Variants in TRPM5 observed in about 807,000 individuals in gnomAD.
TRPM5 encodes the protein transient receptor potential cation channel subfamily M member 5.
A neutral mutation model predicts 124.9 loss-of-function variants in TRPM5; 121 were observed. That is an observed-to-expected ratio of 0.97 (90% CI 0.84 to 1.13). The LOEUF is 1.13. Ranked by LOEUF, TRPM5 falls within the 50% of genes most tolerant of loss-of-function variation. The pLI is 0.00. For synonymous variants in TRPM5, 781 were observed against 700.5 expected (o/e 1.11, Z -1.81); for missense variants, 1,643 against 1,589.1 (o/e 1.03, Z -0.58).
At chr11:2,439,649 T>C in the TRPM5 span, among the ~76,000 whole-genome samples, 1 of 152,200 alleles carries the variant, frequency 6.6e-6, no homozygotes, top group Non-Finnish European at 1.5e-5. Flanking sequence ...CCAGTCAGAA[T>C]GGCCTTTGTT....
chr11:2,407,910 C>T, exon 19 of TRPM5: 1 of 1,613,276 alleles, frequency 6.2e-7, no homozygotes, highest in East Asian at 2.2e-5. Context: ...TTCACACGGG[C>T]TTCTGGAAAG....
Position 2,406,063 on chromosome 11 carries a change from C to T in TRPM5, c.3280G>A (p.Gly1094Ser), listed in dbSNP as rs765223703. ...ATGCGCTTTTCTTGCTCTCTCAGAC[C>T]CCCGAGGTACTTGGCAATGAAGTCC... The change falls in exon 22 of 24, where the codon GGT becomes AGT. Residue 1094 changes from glycine (G) to serine (S), a missense_variant. Coordinates refer to ENST00000155858, the Ensembl canonical transcript of TRPM5. 6 of 1,612,036 alleles carry T rather than the reference C, an allele frequency of 3.7e-6. No homozygotes were observed. The Admixed American group carries it at 8.3e-5, about 22-fold the overall frequency.
chr11:2,419,153 A>C (rs1845730691), intron 4 of TRPM5, among the ~76,000 whole-genome samples: 1 of 152,210 alleles, frequency 6.6e-6, no homozygotes, highest in Non-Finnish European at 1.5e-5. Context: ...CTGGGCTCGC[A>C]GGCGGGCCCC....
chr11:2,430,960 T>C, the TRPM5 span, among the ~76,000 whole-genome samples: 9 of 152,076 alleles, frequency 5.9e-5, no homozygotes, highest in Non-Finnish European at 2.9e-5. Flanking sequence ...GTCATGTTTA[T>C]GGTAGTGATG....
At chr11:2,420,498 C>T (rs1845756411) in intron 3 of TRPM5, 93 bp from the exon 9 acceptor site, 7 of 1,349,496 alleles carry the variant, frequency 5.2e-6, no homozygotes, top group South Asian at 1.4e-5. Context: ...GTGCACACCA[C>T]GCCATGGGGC....
the TRPM5 span, among the ~76,000 whole-genome samples, chr11:2,433,668 C>A: frequency 2.0e-5 from 3 of 152,274 alleles, no homozygotes; most frequent in Non-Finnish European, 4.4e-5. Context: ...GTGCCTGGAA[C>A]GTCCTGAGGA....
At position 2,420,254 on chromosome 11, in the gene TRPM5, T is replaced by A. The variant is rs146593111; in HGVS notation, c.617A>T (p.Lys206Met). ...GCCCGCCCTCTGCTCCGAGATGTGC[T>A]TCTCCAGCCTCAGCCGCAGCTCCGT... The change falls in exon 4 of 24, where the codon AAG becomes ATG. Residue 206 changes from lysine (K) to methionine (M), a missense_variant. Lys to Met is a moderately conservative substitution (Grantham distance 95). Coordinates refer to ENST00000155858, the Ensembl canonical transcript of TRPM5. 3.9e-4 allele frequency: 632 copies of A among 1,609,688 alleles called. 1 individual carries two copies. Among genetic ancestry groups the A allele is most frequent in the Non-Finnish European group, 5.1e-4 (603 of 1,179,760 alleles).
the TRPM5 span, among the ~76,000 whole-genome samples, chr11:2,433,292 G>T: frequency 6.6e-6 from 1 of 152,234 alleles, no homozygotes; most frequent in African/African-American, 2.4e-5. Flanking sequence ...GCTGCAGGAA[G>T]ACGTCCCCCT....
chr11:2,406,677 G>A lies in TRPM5; in HGVS notation c.3235C>T (p.Arg1079Trp), dbSNP rs202069779. Residue 1079 changes from arginine (R) to tryptophan (W), a missense_variant, in exon 21 of 24, where the codon CGG becomes TGG. Arg to Trp is a moderately radical substitution (Grantham distance 101). Coordinates refer to ENST00000155858, the Ensembl canonical transcript of TRPM5. ...CCCCCGCACCTGTGGGCGGTTTTCC[G>A]CAGCACCTCCCCCTCGCTGTCCCTC... is the stretch of plus-strand genomic sequence containing the variant. 216 of 1,611,686 alleles carry A rather than the reference G, an allele frequency of 1.3e-4. 1 individual carries two copies. Among genetic ancestry groups the A allele is most frequent in the East Asian group, 3.3e-4 (15 of 44,874 alleles).
chr11:2,429,635 T>C, the TRPM5 span, among the ~76,000 whole-genome samples: 3 of 151,492 alleles, frequency 2.0e-5, no homozygotes, highest in Non-Finnish European at 4.4e-5. The surrounding 1 kb of genome is among the most constrained non-coding windows in gnomAD (Gnocchi z 8.4). Context: ...GTGGTGATAA[T>C]GGTGGTCATG....
intron 12 of TRPM5, 52 bp downstream of exon 17, chr11:2,414,009 G>GGCCCCCCCCCCCCCCCCCC: frequency 4.9e-6 from 5 of 1,023,716 alleles, no homozygotes; most frequent in African/African-American, 1.6e-5. Context: ...GGCCCAGCTC[G>GGCCCCCCCCCCCCCCCCCC]CCCGCCCACC....
the TRPM5 span, among the ~76,000 whole-genome samples, chr11:2,440,515 A>G: frequency 6.6e-6 from 1 of 152,082 alleles, no homozygotes; most frequent in Non-Finnish European, 1.5e-5. This position sits in a 1 kb window ranked among gnomAD's most constrained non-coding sequence, Gnocchi z 5.2. Context: ...TGCCTCCTGC[A>G]TGCAGAGTCC....
At chr11:2,435,725 G>A in the TRPM5 span, among the ~76,000 whole-genome samples, 1 of 148,344 alleles carries the variant, frequency 6.7e-6, no homozygotes, top group Non-Finnish European at 1.5e-5. The surrounding 1 kb of genome is among the most constrained non-coding windows in gnomAD (Gnocchi z 4.1). Flanking sequence ...ACCAATCTGT[G>A]TATCCATGTA....
chr11:2,416,800 C>T (rs1205878595), intron 7 of TRPM5, among the ~76,000 whole-genome samples: 3 of 152,324 alleles, frequency 2.0e-5, no homozygotes, highest in Middle Eastern at 6.8e-3. Flanking sequence ...AGCACGCGTT[C>T]GTCTCCAGCA....
At chr11:2,406,283 T>A (rs978911935) in intron 21 of TRPM5, among the ~76,000 whole-genome samples, 192 bp from the exon 27 acceptor site, 1 of 152,104 alleles carries the variant, frequency 6.6e-6, no homozygotes, top group Non-Finnish European at 1.5e-5. Context: ...CAGAGCGCTC[T>A]ATGCCTTCCC....
At chr11:2,409,215 G>A (rs780247031) in intron 18 of TRPM5, among the ~76,000 whole-genome samples, 2 of 152,098 alleles carry the variant, frequency 1.3e-5, no homozygotes, top group South Asian at 2.1e-4. Flanking sequence ...CCCACCCTAG[G>A]CCTGCCCCTC....
intron 4 of TRPM5, among the ~76,000 whole-genome samples, chr11:2,419,878 C>G (rs1485274874): frequency 2.0e-5 from 3 of 152,236 alleles, no homozygotes; most frequent in African/African-American, 7.2e-5. Context: ...AGCCCTCTTT[C>G]AACTCACGAT....
the TRPM5 span, among the ~76,000 whole-genome samples, chr11:2,430,112 C>G: frequency 1.3e-5 from 2 of 152,298 alleles, no homozygotes; most frequent in South Asian, 4.1e-4. Flanking sequence ...TCATGTTCCT[C>G]CCCGCCTACA....
the TRPM5 span, among the ~76,000 whole-genome samples, chr11:2,439,355 C>A: frequency 6.6e-6 from 1 of 152,158 alleles, no homozygotes; most frequent in Non-Finnish European, 1.5e-5. Flanking sequence ...AGAGCTTCTG[C>A]ACAGCAAAAG....
Sources: allele counts gnomAD v4.1 joint callset (sites outside exome capture counted in the v4.1 genomes callset), GRCh38; gene constraint gnomAD v4.1.1; non-coding constraint Gnocchi (gnomAD v3.1); transcripts MANE v1.5; gene names NCBI Gene and HGNC (gene_info 2026-07-23, HGNC 2026-07-21).